Variants in DNAAF11 observed in about 807,000 individuals in gnomAD.
DNAAF11 encodes leucine rich repeat containing 6.
Under a neutral mutation model 60.8 loss-of-function variants are expected in DNAAF11, and 45 were observed. The observed-to-expected ratio is 0.74, with a 90% CI of 0.58 to 0.95. The LOEUF (loss-of-function observed/expected upper bound fraction) is 0.95, where lower values mean the gene tolerates loss of function less well. Among genes scored for constraint, DNAAF11 ranks in the 40% least tolerant of loss-of-function variants. The pLI is 0.00. For synonymous variants in DNAAF11, 191 were observed against 183.5 expected (o/e 1.04, Z -0.33); for missense variants, 546 against 546.2 (o/e 1.00, Z 0.00).
chr8:132,637,125 A>AT (rs1292034837), intron 4 of DNAAF11, among the ~76,000 whole-genome samples: 1 of 152,220 alleles, frequency 6.6e-6, no homozygotes, highest in African/African-American at 2.4e-5. Context: ...TTGGGGGGAT[A>AT]TGGTATAAGA....
the DNAAF11 span, among the ~76,000 whole-genome samples, chr8:132,688,678 C>G: frequency 1.3e-5 from 2 of 152,106 alleles, no homozygotes; most frequent in Non-Finnish European, 2.9e-5. Context: ...GAGAATAAAG[C>G]CAACATATGG....
the DNAAF11 span, among the ~76,000 whole-genome samples, chr8:132,700,604 C>T: frequency 1.3e-5 from 2 of 151,988 alleles, no homozygotes; most frequent in Non-Finnish European, 2.9e-5. Context: ...AGGAGGATTG[C>T]TTGAGCCCAA....
chr8:132,653,009 A>G (rs958760404), intron 3 of DNAAF11, among the ~76,000 whole-genome samples: 1 of 152,232 alleles, frequency 6.6e-6, no homozygotes, highest in Admixed American at 6.5e-5. Context: ...ACAGGGATGA[A>G]AAGAAAATGA....
chr8:132,653,453 G>A (rs1204591944), intron 3 of DNAAF11, among the ~76,000 whole-genome samples: 1 of 151,872 alleles, frequency 6.6e-6, no homozygotes, highest in Non-Finnish European at 1.5e-5. Context: ...TGATAAAATA[G>A]GAACAATTAC....
chr8:132,636,349 G>C (rs1040427611), intron 4 of DNAAF11, among the ~76,000 whole-genome samples: 1 of 152,122 alleles, frequency 6.6e-6, no homozygotes, highest in Non-Finnish European at 1.5e-5. Context: ...AGTGTGAATG[G>C]TGGAGGCATC....
chr8:132,612,326 G>A (rs1818748306), intron 8 of DNAAF11, among the ~76,000 whole-genome samples: 1 of 150,894 alleles, frequency 6.6e-6, no homozygotes, highest in Admixed American at 6.6e-5. Flanking sequence ...TAATAGAGAT[G>A]AGGTTTTCTA....
intron 3 of DNAAF11, among the ~76,000 whole-genome samples, chr8:132,650,212 T>G (rs1822863219): frequency 6.6e-6 from 1 of 152,116 alleles, no homozygotes; most frequent in South Asian, 2.1e-4. Flanking sequence ...GTTCATGTCT[T>G]TTGTAGGGAC....
intron 7 of DNAAF11, among the ~76,000 whole-genome samples, chr8:132,616,085 T>C (rs1819121042): frequency 6.6e-6 from 1 of 152,096 alleles, no homozygotes; most frequent in South Asian, 2.1e-4. Flanking sequence ...TTATTACTTG[T>C]AAAGTAATTT....
chr8:132,598,831 A>T (rs1817291226), intron 10 of DNAAF11, among the ~76,000 whole-genome samples: 1 of 152,230 alleles, frequency 6.6e-6, no homozygotes, highest in Non-Finnish European at 1.5e-5. Flanking sequence ...AGGAAGATCT[A>T]AAATTGACAC....
intron 1 of DNAAF11, among the ~76,000 whole-genome samples, chr8:132,674,196 A>AGG (rs1563726516): frequency 2.7e-4 from 25 of 94,298 alleles, no homozygotes; most frequent in African/African-American, 1.2e-3. Flanking sequence ...GGAGGAGGAG[A>AGG]AGGAGGAGGA....
chr8:132,618,592 A>C (rs1196346720), intron 7 of DNAAF11, among the ~76,000 whole-genome samples: 7 of 130,362 alleles, frequency 5.4e-5, no homozygotes, highest in Non-Finnish European at 9.6e-5. Context: ...AACTCAAACA[A>C]ATTTACAAGA....
chr8:132,700,628 C>T, the DNAAF11 span, among the ~76,000 whole-genome samples: 2 of 152,048 alleles, frequency 1.3e-5, no homozygotes, highest in Admixed American at 1.3e-4. Flanking sequence ...TTCTAGGCTG[C>T]AATGAACTGT....
upstream of DNAAF11, among the ~76,000 whole-genome samples, chr8:132,676,896 G>A (rs990486127): frequency 3.3e-5 from 5 of 152,130 alleles, no homozygotes; most frequent in East Asian, 9.6e-4. Context: ...CTCCCAAAAG[G>A]CACTCAAACT....
rs771432428 is a variant in DNAAF11, at chr8:132,620,890, C to G, written c.914+1721G>C. On this transcript the variant is annotated intron_variant, in intron 7 of 11. Coordinates refer to ENST00000620350, the MANE Select transcript of DNAAF11 (RefSeq NM_012472.6). Reference sequence around the variant, plus strand: ...ATGAAAATGAAATCGTGTGGCTGAGCTGAGCTGGAGAAGTGAGCCGGTTGG... The same window carrying G: ...ATGAAAATGAAATCGTGTGGCTGAGGTGAGCTGGAGAAGTGAGCCGGTTGG... Among the ~76,000 whole-genome samples, 30 of 152,244 alleles carry G rather than the reference C, an allele frequency of 2.0e-4. 1 individual carries two copies. The highest frequency in any genetic ancestry group is 3.5e-4 in the Non-Finnish European group (24 of 68,012).
intron 3 of DNAAF11, 140 bp from the exon 4 acceptor site, chr8:132,638,247 G>A (rs1034708235): frequency 4.8e-6 from 3 of 622,582 alleles, no homozygotes; most frequent in Non-Finnish European, 8.4e-6. Flanking sequence ...ACCATGAAGT[G>A]ATTCTTCAGA....
At chr8:132,671,928 AAAG>A (rs1158571899) in intron 1 of DNAAF11, among the ~76,000 whole-genome samples, 1 of 152,150 alleles carries the variant, frequency 6.6e-6, no homozygotes, top group Non-Finnish European at 1.5e-5. Context: ...CTAGGAAAAA[AAAG>A]AGAAAAATCT....
At chr8:132,655,370 C>A (rs1438913607) in intron 3 of DNAAF11, among the ~76,000 whole-genome samples, 1 of 151,812 alleles carries the variant, frequency 6.6e-6, no homozygotes, top group Non-Finnish European at 1.5e-5. Flanking sequence ...TGAAAAAAAT[C>A]GAATAAGAAG....
At chr8:132,697,389 G>A in the DNAAF11 span, among the ~76,000 whole-genome samples, 2 of 152,126 alleles carry the variant, frequency 1.3e-5, no homozygotes, top group African/African-American at 4.8e-5. Flanking sequence ...AGGCCGAGGT[G>A]GGCAGATCAC....
intron 4 of DNAAF11, among the ~76,000 whole-genome samples, chr8:132,636,960 C>T (rs1821362740): frequency 6.6e-6 from 1 of 152,084 alleles, no homozygotes; most frequent in Admixed American, 6.6e-5. Flanking sequence ...ATTGAACAGG[C>T]GATGTATCCA....
Sources: gnomAD v4.1 joint callset for allele counts (sites outside exome capture counted in the v4.1 genomes callset) on GRCh38, gnomAD v4.1.1 for gene constraint, MANE v1.5 for transcripts, NCBI Gene and HGNC (gene_info 2026-07-23, HGNC 2026-07-21) for gene names.